PTPRG: variants seen among roughly 807,000 people sequenced by gnomAD.
PTPRG encodes the protein protein tyrosine phosphatase receptor type G.
In PTPRG, 102 loss-of-function variants were observed where a neutral mutation model predicts 165.3. That is an observed-to-expected ratio of 0.62 (90% CI 0.53 to 0.73). The LOEUF (loss-of-function observed/expected upper bound fraction) is 0.73. PTPRG is among the 30% of genes least tolerant of loss of function. The probability of loss-of-function intolerance (pLI) is 0.00; values close to 1 mark genes in which losing one functional copy is unlikely to be tolerated. For missense variants in PTPRG, 1,866 were observed against 1,861.4 expected (o/e 1.00, Z -0.05); for synonymous variants, 675 against 669.5 (o/e 1.01, Z -0.13).
At chr3:61,943,393 C>G (rs2039681340) in intron 2 of PTPRG, among the ~76,000 whole-genome samples, 1 of 152,120 alleles carries the variant, frequency 6.6e-6, no homozygotes, top group Non-Finnish European at 1.5e-5. Context: ...GTGTTCGAGA[C>G]CAGCCTGGCC....
Position 62,168,157 on chromosome 3 carries a change from T to C in PTPRG, c.1027T>C (p.Ser343Pro), listed in dbSNP as rs1207698718. ...FLENPLGTEA[S>P]KVCSSPPIHM... ...AGAAAACCCACTGGGGACAGAAGCC[T>C]CTAAAGGTATATTTGGCTTAAGTGC... Residue 343 changes from serine (S) to proline (P), a missense_variant, in exon 8 of 30, where the codon TCT becomes CCT. This residue lies in a region of PTPRG where 1,452 missense variants were observed against 1,463.0 expected (regional missense o/e 0.99). Transcript: ENST00000474889. 3 of 1,612,060 alleles carry C rather than the reference T, an allele frequency of 1.9e-6. No individual in the cohort carries two copies. The highest frequency in any genetic ancestry group is 2.5e-6 in the Non-Finnish European group (3 of 1,179,180).
intron 2 of PTPRG, among the ~76,000 whole-genome samples, chr3:61,757,663 T>A (rs1374152135): frequency 6.6e-6 from 1 of 152,246 alleles, no homozygotes; most frequent in Non-Finnish European, 1.5e-5. Context: ...AGGTCAATAT[T>A]TACTTTGACA....
chr3:61,716,464 G>A (rs1482335522), intron 1 of PTPRG, among the ~76,000 whole-genome samples: 1 of 152,126 alleles, frequency 6.6e-6, no homozygotes, highest in Non-Finnish European at 1.5e-5. Context: ...TAATATTTAA[G>A]TCAGGAACAC....
Position 61,681,599 on chromosome 3 carries a change from G to A in PTPRG, c.86-67279G>A, listed in dbSNP as rs151308984. Among the ~76,000 whole-genome samples the A allele has an allele frequency of 5.1e-3, 775 of 152,228 alleles. 8 individuals are homozygous for A. The highest frequency in any genetic ancestry group is 0.017 in the African/African-American group (724 of 41,544). ...CCCAATATATGCTTCATTCTCTGGG[G>A]TAGTTTTTATTCCTCTTCTATGAAA... On this transcript the variant is annotated intron_variant, in intron 1 of 29. Transcript: ENST00000474889.
At position 62,273,655 on chromosome 3, in the gene PTPRG, C is replaced by G; in HGVS notation, c.3319-43C>G. On this transcript the variant is annotated intron_variant, in intron 22 of 29. Coordinates refer to ENST00000474889, the MANE Select transcript of PTPRG (RefSeq NM_002841.4). This position sits in a 1 kb window ranked among gnomAD's most constrained non-coding sequence, Gnocchi z 4.1. ...TACACTTCATGAATGAGTGGCTAAC[C>G]CTTAACACTCCCTCAGTGACTACCA... 1 of 1,599,172 alleles carries G rather than the reference C, an allele frequency of 6.3e-7. No individual in the cohort carries two copies. The highest frequency in any genetic ancestry group is 8.6e-7 in the Non-Finnish European group (1 of 1,167,466).
intron 1 of PTPRG, among the ~76,000 whole-genome samples, chr3:61,605,913 A>AT (rs1700992200): frequency 6.6e-6 from 1 of 152,198 alleles, no homozygotes; most frequent in Admixed American, 6.5e-5. Flanking sequence ...TGCCAGAACT[A>AT]GAAGGCTTTG....
At chr3:61,788,710 G>A (rs912296881) in intron 2 of PTPRG, among the ~76,000 whole-genome samples, 7 of 152,202 alleles carry the variant, frequency 4.6e-5, no homozygotes, top group African/African-American at 1.4e-4. Context: ...GAGACACATG[G>A]TTAATATTTT....
At chr3:61,917,153 T>C (rs2038960481) in intron 2 of PTPRG, among the ~76,000 whole-genome samples, 1 of 152,046 alleles carries the variant, frequency 6.6e-6, no homozygotes, top group African/African-American at 2.4e-5. Context: ...ACAATATGAA[T>C]CTGTACGGTG....
At chr3:61,775,948 G>T (rs2034368076) in intron 2 of PTPRG, among the ~76,000 whole-genome samples, 1 of 146,826 alleles carries the variant, frequency 6.8e-6, no homozygotes, top group Non-Finnish European at 1.5e-5. Context: ...GAGGGGGGAG[G>T]GATAGCATTA....
At chr3:62,073,433 G>T (rs940160591) in intron 4 of PTPRG, among the ~76,000 whole-genome samples, 2 of 152,186 alleles carry the variant, frequency 1.3e-5, no homozygotes, top group African/African-American at 4.8e-5. Context: ...CCAATAGCGG[G>T]ATAAACCCGC....
Position 62,218,900 on chromosome 3 carries a change from G to A in PTPRG, c.2205G>A (p.Met735Ile). Reference sequence around the variant, plus strand: ...TAAGCCGCCCTGCTCCAGGGAGGATGGAGTGGATCATCCCTCTGATTGTGG... The same window carrying A: ...TAAGCCGCCCTGCTCCAGGGAGGATAGAGTGGATCATCCCTCTGATTGTGG... ...GMISRPAPGR[M>I]EWIIPLIVVS... is the part of the protein sequence containing the mutation. The change falls in exon 13 of 30, where the codon ATG (methionine) becomes ATA (isoleucine). Residue 735 changes from methionine to isoleucine, a missense_variant. Around this residue, in one of 3 missense-constraint regions of PTPRG, gnomAD observed 1,452 missense variants for 1,463.0 expected, o/e 0.99. Coordinates refer to ENST00000474889, the MANE Select transcript of PTPRG (RefSeq NM_002841.4). 2 of 1,613,866 alleles carry A rather than the reference G, an allele frequency of 1.2e-6. No homozygotes were observed. Among genetic ancestry groups the A allele is most frequent in the South Asian group, 1.1e-5 (1 of 91,060 alleles).
chr3:61,954,668 C>G (rs961215777), intron 2 of PTPRG, among the ~76,000 whole-genome samples: 1 of 152,166 alleles, frequency 6.6e-6, no homozygotes, highest in East Asian at 1.9e-4. Flanking sequence ...ATTTGTCAGA[C>G]ACTGACACTT....
intron 1 of PTPRG, among the ~76,000 whole-genome samples, chr3:61,595,322 A>G (rs1700676401): frequency 6.6e-6 from 1 of 151,650 alleles, no homozygotes; most frequent in African/African-American, 2.4e-5. Context: ...AAATCTGATT[A>G]TATAGTGTTA....
At chr3:61,801,240 C>T (rs991034931) in intron 2 of PTPRG, among the ~76,000 whole-genome samples, 7 of 152,018 alleles carry the variant, frequency 4.6e-5, no homozygotes, top group Admixed American at 1.3e-4. Flanking sequence ...TGCACACAGA[C>T]GCCCTCAGGT....
At chr3:61,639,619 T>G (rs1350663544) in intron 1 of PTPRG, among the ~76,000 whole-genome samples, 1 of 152,202 alleles carries the variant, frequency 6.6e-6, no homozygotes, top group Non-Finnish European at 1.5e-5. Flanking sequence ...TAGCAATCTT[T>G]CACCTGCTTG....
intron 5 of PTPRG, among the ~76,000 whole-genome samples, chr3:62,106,644 G>A (rs1431323800): frequency 2.0e-5 from 3 of 151,870 alleles, no homozygotes; most frequent in Non-Finnish European, 2.9e-5. Context: ...CTGGGACTAC[G>A]GGCATGTGCC....
intron 1 of PTPRG, among the ~76,000 whole-genome samples, chr3:61,578,307 C>T (rs972441251): frequency 1.3e-5 from 2 of 152,208 alleles, no homozygotes; most frequent in African/African-American, 4.8e-5. Context: ...TCTTGACAGA[C>T]TGATATAATC....
At position 61,992,750 on chromosome 3, in the gene PTPRG, G is replaced by C. The variant is rs561958746; in HGVS notation, c.370+2946G>C. ...CTGGCCAGACTGCTCTGGAACTCCT[G>C]ACTTCAAGTGATCTGCCCGTCTCAG... is the stretch of plus-strand genomic sequence containing the variant. On this transcript the variant is annotated intron_variant, in intron 3 of 29. Coordinates refer to ENST00000474889, the MANE Select transcript of PTPRG (RefSeq NM_002841.4). 2.6e-5 allele frequency among the ~76,000 whole-genome samples: 4 copies of C among 152,236 alleles called. No homozygotes were observed. In the South Asian group the frequency reaches 8.3e-4, roughly 32 times the overall value.
rs1701976774 is a variant in PTPRG, at chr3:62,269,080, G to A, written c.2920G>A (p.Gly974Arg). 1 of 1,606,462 alleles carries A rather than the reference G, an allele frequency of 6.2e-7. No individual in the cohort carries two copies. The highest frequency in any genetic ancestry group is 8.5e-7 in the Non-Finnish European group (1 of 1,174,314). The change falls in exon 20 of 30, where the codon GGA becomes AGA. Residue 974 changes from glycine (G) to arginine (R), a missense_variant. By Grantham distance (125) the Gly-to-Arg change is moderately radical. Transcript: ENST00000474889. ...YWPTENSEEY[G>R]NIIVTLKSTK... ...GCCAACAGAGAACAGTGAGGAATAT[G>A]GAAACATTATTGTCACGCTGAAGAG...
Sources: gnomAD v4.1 joint callset for allele counts (sites outside exome capture counted in the v4.1 genomes callset) on GRCh38, gnomAD v4.1.1 for gene constraint, gnomAD v4.1.1 regional missense constraint, Gnocchi (gnomAD v3.1) non-coding constraint, MANE v1.5 for transcripts, NCBI Gene and HGNC (gene_info 2026-07-23, HGNC 2026-07-21) for gene names.